The following ALKBH4 variants were observed in gnomAD, a reference collection of about 807,000 sequenced individuals.
ALKBH4 encodes alkB homolog 4, lysine demethylase, also known as alpha-ketoglutarate-dependent dioxygenase alkB homolog 4.
ALKBH4 carries 8 observed loss-of-function variants against 12.1 expected under a neutral mutation model. The observed-to-expected ratio is 0.66, with a 90% CI of 0.39 to 1.19. ALKBH4 has a LOEUF of 1.19. ALKBH4 is among the 50% of genes most tolerant of loss of function. ALKBH4 has a pLI of 0.01. For missense variants in ALKBH4, 403 were observed against 430.4 expected, an observed-to-expected ratio of 0.94 and a Z score of 0.56; for synonymous variants, 195 against 191.6, an observed-to-expected ratio of 1.02 and a Z score of -0.15.
chr7:102,463,496 GTT>G (rs981827628), intron 1 of ALKBH4, among the ~76,000 whole-genome samples: 4 of 151,484 alleles, frequency 2.6e-5, no homozygotes, highest in African/African-American at 9.7e-5. Context: ...AGCCCGGCAA[GTT>G]TTTGTAATTT....
Position 102,457,660 on chromosome 7 carries a change from C to T in ALKBH4, c.643G>A (p.Val215Met), listed in dbSNP as rs1280053941. ...SAPSAAPEAL[V>M]DSVIAPSRSV... ...CGGCTGGGTGCTATCACGCTGTCCA[C>T]CAAGGCCTCCGGGGCAGCCGACGGG... Residue 215 changes from valine (V) to methionine (M), a missense_variant, in exon 3 of 3, where the codon GTG becomes ATG. Val to Met is a conservative substitution (Grantham distance 21, BLOSUM62 1). Transcript: ENST00000292566. The surrounding 1 kb of genome is among the most constrained non-coding windows in gnomAD (Gnocchi z 5.9). 1 of 1,566,466 alleles carries T rather than the reference C, an allele frequency of 6.4e-7. No individual in the cohort carries two copies. The highest frequency in any genetic ancestry group is 1.8e-5 in the Admixed American group (1 of 54,300).
At chr7:102,458,791 C>T (rs561241508) in intron 2 of ALKBH4, among the ~76,000 whole-genome samples, 1 of 147,610 alleles carries the variant, frequency 6.8e-6, no homozygotes, top group East Asian at 2.0e-4. Flanking sequence ...AAAGTGACAA[C>T]AACGCCAATG....
chr7:102,463,067 C>A lies in ALKBH4; in HGVS notation c.123+1647G>T, dbSNP rs527258028. ...TGACCTCCCAGGCTCAAGCAACCCT[C>A]CCACCTCAGCCTCCTGGGTAGCTGG... On this transcript the variant is annotated intron_variant, in intron 1 of 2. Transcript: ENST00000292566. Among the ~76,000 whole-genome samples, 6 of 151,140 alleles carry A rather than the reference C, an allele frequency of 4.0e-5. No individual in the cohort carries two copies. The South Asian group carries it at 1.3e-3, about 32-fold the overall frequency.
At position 102,458,533 on chromosome 7, in the gene ALKBH4, T is replaced by C. The variant is rs533906608; in HGVS notation, c.322-552A>G. Among the ~76,000 whole-genome samples the C allele has an allele frequency of 1.1e-3, 163 of 151,928 alleles. 1 individual carries two copies. Among genetic ancestry groups the C allele is most frequent in the South Asian group, 3.1e-3 (15 of 4,808 alleles). On this transcript the variant is annotated intron_variant, in intron 2 of 2. Coordinates refer to ENST00000292566, the MANE Select transcript of ALKBH4 (RefSeq NM_017621.4). ...GCGGTGAGTGGAGACTGAGCCACCG[T>C]ACTCCAGCTTGGGAGACAGAATGAG...
intron 2 of ALKBH4, among the ~76,000 whole-genome samples, chr7:102,458,251 A>T (rs1797705673): frequency 6.6e-6 from 1 of 152,042 alleles, no homozygotes; most frequent in Non-Finnish European, 1.5e-5. Flanking sequence ...CTGGGCAACA[A>T]AGTGAGACCT....
Position 102,457,374 on chromosome 7 carries a change from T to G in ALKBH4, c.*20A>C, listed in dbSNP as rs886683212. 2 of 1,594,726 alleles carry G rather than the reference T, an allele frequency of 1.3e-6. No homozygotes were observed. The highest frequency in any genetic ancestry group is 1.7e-6 in the Non-Finnish European group (2 of 1,167,198). On this transcript the variant is annotated 3_prime_UTR_variant, in exon 3 of 3. Coordinates refer to ENST00000292566, the MANE Select transcript of ALKBH4 (RefSeq NM_017621.4). The surrounding 1 kb of genome is among the most constrained non-coding windows in gnomAD (Gnocchi z 5.9). ...CATTTCAATCCCGGGATCAGTCAAG[T>G]CTGGAGCCAAGGAGGCGGTTCACAC...
chr7:102,460,754 G>C (rs1475715849), intron 1 of ALKBH4, among the ~76,000 whole-genome samples: 3 of 152,216 alleles, frequency 2.0e-5, no homozygotes, highest in African/African-American at 7.2e-5. Flanking sequence ...TTAGGTCTTT[G>C]CTGATGCCAC....
rs750172385 is a variant in ALKBH4, at chr7:102,459,648, C to T, written c.277G>A (p.Asp93Asn). Residue 93 changes from aspartate to asparagine, a missense_variant, in exon 2 of 3, where the codon GAC (aspartate) becomes AAC (asparagine). Asp to Asn is a conservative substitution (Grantham distance 23). Transcript: ENST00000292566. The part of the protein sequence containing the change: ...EEEAELVRLM[D>N]RDPWKLSQSG... The stretch of plus-strand genomic sequence containing the variant: ...TGGGAGAGCTTCCAGGGGTCACGGT[C>T]CATGAGCCGCACCAACTCGGCTTCT... 3.7e-6 allele frequency: 6 copies of T among 1,614,198 alleles called. No homozygotes were observed. Among genetic ancestry groups the T allele is most frequent in the Non-Finnish European group, 4.2e-6 (5 of 1,180,018 alleles).
At chr7:102,463,322 CTTTTT>C (rs71106683) in intron 1 of ALKBH4, among the ~76,000 whole-genome samples, 1 of 58,282 alleles carries the variant, frequency 1.7e-5, no homozygotes, top group Non-Finnish European at 2.9e-5. Flanking sequence ...CAAGTCATCT[CTTTTT>C]TTTTTTTTTT....
chr7:102,460,054 T>C (rs970500291), intron 1 of ALKBH4, among the ~76,000 whole-genome samples: 16 of 151,334 alleles, frequency 1.1e-4, no homozygotes, highest in African/African-American at 3.9e-4. Context: ...CTCAGGAGGC[T>C]GAAGCTGGAG....
Position 102,457,686 on chromosome 7 carries a change from G to A in ALKBH4, c.617C>T (p.Ala206Val), listed in dbSNP as rs1427701610. 6.4e-7 allele frequency: 1 copy of A among 1,557,238 alleles called. No homozygotes were observed. ...EAPGSLLLCS[A>V]PSAAPEALVD... ...CAAGGCCTCCGGGGCAGCCGACGGG[G>A]CCGAGCAGAGGAGCAGGCTCCCGGG... Residue 206 changes from alanine (A) to valine (V), a missense_variant, in exon 3 of 3, where the codon GCC (alanine) becomes GTC (valine). By Grantham distance (64) the Ala-to-Val change is moderately conservative. Transcript: ENST00000292566. This position sits in a 1 kb window ranked among gnomAD's most constrained non-coding sequence, Gnocchi z 5.9.
In ALKBH4 at chr7:102,457,260, G is replaced by A; in HGVS notation, c.*134C>T. ...TACGTTCCCATCAAAACCTGCTCCT[G>A]GGCAGGGCTCACACTGCTCACAGCA... On this transcript the variant is annotated 3_prime_UTR_variant, in exon 3 of 3. Transcript: ENST00000292566. The surrounding 1 kb of genome is among the most constrained non-coding windows in gnomAD (Gnocchi z 5.9). 1.9e-6 allele frequency: 2 copies of A among 1,053,698 alleles called. No homozygotes were observed. Among genetic ancestry groups the A allele is most frequent in the Non-Finnish European group, 2.7e-6 (2 of 733,806 alleles). The allele number at this position is 1,053,698 out of a possible 1,614,324, so 65.3% of individuals were successfully genotyped here.
intron 1 of ALKBH4, among the ~76,000 whole-genome samples, chr7:102,464,048 C>CG: frequency 6.6e-6 from 1 of 151,590 alleles, no homozygotes; most frequent in South Asian, 2.1e-4. Context: ...TCCCCCCCCC[C>CG]ACAACCTCTC....
rs775872372 is a variant in ALKBH4 at position 102,459,696 on chromosome 7, C to T, written c.229G>A (p.Glu77Lys). 1.9e-5 allele frequency: 30 copies of T among 1,614,064 alleles called. No homozygotes were observed. Among genetic ancestry groups the T allele is most frequent in the African/African-American group, 2.7e-5 (2 of 74,928 alleles). ...AFPFPGVMLIEDFVTREEEAE... is the reference protein window; with the variant it reads ...AFPFPGVMLIKDFVTREEEAE... The stretch of plus-strand genomic sequence containing the variant: ...TCTTCCTCCCGGGTCACAAAGTCCT[C>T]GATCAGCATCACTCCTGGGAAGGGG... The change falls in exon 2 of 3, where the codon GAG becomes AAG. Residue 77 changes from glutamate (E) to lysine (K), a missense_variant. Coordinates refer to ENST00000292566, the MANE Select transcript of ALKBH4 (RefSeq NM_017621.4).
At chr7:102,462,406 G>A (rs966700983) in intron 1 of ALKBH4, among the ~76,000 whole-genome samples, 1 of 151,958 alleles carries the variant, frequency 6.6e-6, no homozygotes, top group African/African-American at 2.4e-5. Context: ...GTCTCGCTCT[G>A]TCACTCAGGC....
intron 1 of ALKBH4, among the ~76,000 whole-genome samples, chr7:102,460,681 C>T (rs1797774401): frequency 6.6e-6 from 1 of 152,196 alleles, no homozygotes; most frequent in Non-Finnish European, 1.5e-5. Flanking sequence ...CTCCCATCTC[C>T]TCAGCTGCTT....
chr7:102,463,104 C>T (rs978729463), intron 1 of ALKBH4, among the ~76,000 whole-genome samples: 5 of 151,240 alleles, frequency 3.3e-5, no homozygotes, highest in South Asian at 2.1e-4. Context: ...ACTACAGGTA[C>T]GTGTCACCAT....
At chr7:102,459,546 A>G in intron 2 of ALKBH4, 58 bp downstream of exon 2, 1 of 1,543,900 alleles carries the variant, frequency 6.5e-7, no homozygotes, top group Non-Finnish European at 8.8e-7. Context: ...GGCCCCCAGC[A>G]GTAGGGCTGT....
Position 102,459,721 on chromosome 7 carries a change from G to A in ALKBH4, c.204C>T (p.Phe68=), listed in dbSNP as rs768941316. Residue 68 remains phenylalanine, a synonymous_variant, in exon 2 of 3, where the codon TTC becomes TTT. Coordinates refer to ENST00000292566, the MANE Select transcript of ALKBH4 (RefSeq NM_017621.4). ...CGATCAGCATCACTCCTGGGAAGGGGAAGGCCCAGCCCTCAAAGTCAGACT... is the reference window on the plus strand; with the variant it reads ...CGATCAGCATCACTCCTGGGAAGGGAAAGGCCCAGCCCTCAAAGTCAGACT... ...TEESDFEGWA[F]PFPGVMLIED... The A allele has an allele frequency of 5.8e-5, 93 of 1,614,084 alleles. No homozygotes were observed. The highest frequency in any genetic ancestry group is 7.5e-5 in the Non-Finnish European group (88 of 1,180,040).
Sources: gnomAD v4.1 joint callset for allele counts (sites outside exome capture counted in the v4.1 genomes callset) on GRCh38, gnomAD v4.1.1 for gene constraint, Gnocchi (gnomAD v3.1) non-coding constraint, MANE v1.5 for transcripts, NCBI Gene and HGNC (gene_info 2026-07-23, HGNC 2026-07-21) for gene names.